The following B4GALT6 variants were observed in gnomAD, a reference collection of about 807,000 sequenced individuals.
The protein encoded by B4GALT6 is UDP-Gal:beta-GlcNAc beta-1,4-galactosyltransferase 6.
Under a neutral mutation model 46.3 loss-of-function variants are expected in B4GALT6, and 14 were observed. The observed-to-expected ratio is 0.30, with a 90% CI of 0.20 to 0.47. The LOEUF is 0.47. Ranked by LOEUF, B4GALT6 falls within the 20% of genes least tolerant of loss-of-function variation. The probability of loss-of-function intolerance (pLI) is 0.99; values close to 1 mark genes in which losing one functional copy is unlikely to be tolerated. For synonymous variants in B4GALT6, 168 were observed against 162.0 expected, an observed-to-expected ratio of 1.04 and a Z score of -0.28; for missense variants, 386 against 480.1, an observed-to-expected ratio of 0.80 and a Z score of 1.83.
intron 8 of B4GALT6, 84 bp from the exon 9 acceptor site, chr18:31,625,845 T>A: frequency 8.5e-7 from 1 of 1,180,150 alleles, no homozygotes; most frequent in South Asian, 1.8e-5. Context: ...AAGGTCATCT[T>A]ATAATTAAAG....
chr18:31,631,537 T>C (rs993477722), intron 5 of B4GALT6, among the ~76,000 whole-genome samples: 5 of 152,260 alleles, frequency 3.3e-5, no homozygotes, highest in Admixed American at 6.5e-5. Context: ...ATCTAGTCCA[T>C]TGGTACATCA....
rs2073685799 is a variant in B4GALT6, at chr18:31,625,699, T to C, written c.1064A>G (p.Tyr355Cys). 6.2e-7 allele frequency: 1 copy of C among 1,613,728 alleles called. No individual in the cohort carries two copies. Among genetic ancestry groups the C allele is most frequent in the Non-Finnish European group, 8.5e-7 (1 of 1,179,798 alleles). Residue 355 changes from tyrosine to cysteine, a missense_variant, in exon 9 of 9, where the codon TAT (tyrosine) becomes TGT (cysteine). By Grantham distance (194) the Tyr-to-Cys change is radical. Transcript: ENST00000306851. Reference protein sequence around the residue: ...QYIDGLNNLIYRPKILVDRLY... With the variant: ...QYIDGLNNLICRPKILVDRLY... ...CCTATCAACCAGTATTTTTGGCCTATATATTAAATTGTTCAGTCCATCGAT... is the reference window on the plus strand; with the variant it reads ...CCTATCAACCAGTATTTTTGGCCTACATATTAAATTGTTCAGTCCATCGAT...
At chr18:31,668,653 G>A (rs913946712) in intron 1 of B4GALT6, among the ~76,000 whole-genome samples, 1 of 152,006 alleles carries the variant, frequency 6.6e-6, no homozygotes, top group Non-Finnish European at 1.5e-5. Flanking sequence ...ATATAGTGTG[G>A]CAGATATTAA....
At chr18:31,721,860 T>TTCTCTCTC in the B4GALT6 span, among the ~76,000 whole-genome samples, 6 of 151,276 alleles carry the variant, frequency 4.0e-5, no homozygotes, top group African/African-American at 1.5e-4. Context: ...TTCTCTTTCT[T>TTCTCTCTC]TCTCTCTCTC....
At chr18:31,708,650 C>T in the B4GALT6 span, among the ~76,000 whole-genome samples, 3 of 151,998 alleles carry the variant, frequency 2.0e-5, no homozygotes, top group Non-Finnish European at 4.4e-5. Context: ...AAGTAGAAAG[C>T]TGGAAGGGGA....
At chr18:31,699,487 T>C in the B4GALT6 span, among the ~76,000 whole-genome samples, 1 of 151,518 alleles carries the variant, frequency 6.6e-6, no homozygotes, top group African/African-American at 2.4e-5. Flanking sequence ...TTGGCTAGGC[T>C]GGTCTCAAAC....
upstream of B4GALT6, among the ~76,000 whole-genome samples, chr18:31,689,730 CAAGAAAAA>C (rs964506150): frequency 2.2e-4 from 33 of 151,922 alleles, no homozygotes; most frequent in East Asian, 1.4e-3. Context: ...AGCGACAGAG[CAAGAAAAA>C]AAGAAAAAAA....
intron 5 of B4GALT6, among the ~76,000 whole-genome samples, chr18:31,634,263 CACAGGA>C: frequency 6.6e-6 from 1 of 152,324 alleles, no homozygotes; most frequent in Admixed American, 6.5e-5. Context: ...ACACTTTTTC[CACAGGA>C]TAAACTGGAA....
the B4GALT6 span, among the ~76,000 whole-genome samples, chr18:31,700,433 A>G: frequency 0.038 from 2,556 of 68,140 alleles, 60 homozygotes; most frequent in African/African-American, 0.079. Flanking sequence ...AAAATTGACT[A>G]TTTGTGTGTG....
Position 31,623,971 on chromosome 18 carries a change from T to TTA in B4GALT6, c.*1642_*1643insTA, listed in dbSNP as rs2144452812. 6.6e-6 allele frequency: 1 copy of TTA among 152,174 alleles called. No homozygotes were observed. Among genetic ancestry groups the TTA allele is most frequent in the East Asian group, 1.9e-4 (1 of 5,192 alleles). The allele number at this position is 152,174 out of a possible 1,614,324, so 9.4% of individuals were successfully genotyped here. The stretch of plus-strand genomic sequence containing the variant: ...CTCATCATTGTTGTTGAACATTCAC[T>TTA]TTATAGATATTTAATTTTTTGTTTA... On this transcript the variant is annotated 3_prime_UTR_variant, in exon 9 of 9. Transcript: ENST00000306851.
chr18:31,677,133 T>C (rs2074423369), intron 1 of B4GALT6, among the ~76,000 whole-genome samples: 1 of 151,798 alleles, frequency 6.6e-6, no homozygotes, highest in East Asian at 1.9e-4. Context: ...TAATTAAACA[T>C]AAAAACAAAG....
intron 3 of B4GALT6, among the ~76,000 whole-genome samples, chr18:31,651,352 A>C (rs1186813771): frequency 6.6e-6 from 1 of 152,132 alleles, no homozygotes; most frequent in Non-Finnish European, 1.5e-5. Flanking sequence ...GTAAGGTTTC[A>C]GCAAAAACAA....
intron 3 of B4GALT6, among the ~76,000 whole-genome samples, chr18:31,656,124 G>A (rs2074135529): frequency 6.6e-6 from 1 of 152,152 alleles, no homozygotes; most frequent in African/African-American, 2.4e-5. Flanking sequence ...CCCCAAGACT[G>A]AAAGCCATGG....
intron 4 of B4GALT6, among the ~76,000 whole-genome samples, chr18:31,645,117 G>C (rs1034798313): frequency 2.6e-5 from 4 of 152,174 alleles, no homozygotes; most frequent in African/African-American, 9.7e-5. Context: ...TTATTACCAG[G>C]AACTCAAAGA....
chr18:31,718,883 G>T, the B4GALT6 span: 3 of 152,172 alleles, frequency 2.0e-5, no homozygotes, highest in Non-Finnish European at 4.4e-5. Context: ...ATAGATAAAA[G>T]TTTTTTGGGG....
chr18:31,709,434 C>CATATATATATATAT, the B4GALT6 span, among the ~76,000 whole-genome samples: 721 of 130,852 alleles, frequency 5.5e-3, 14 homozygotes, highest in African/African-American at 0.021. Context: ...GCAATTCATA[C>CATATATATATATAT]ATATATATAT....
At chr18:31,680,746 A>C (rs1221717141) in intron 1 of B4GALT6, among the ~76,000 whole-genome samples, 2 of 152,218 alleles carry the variant, frequency 1.3e-5, no homozygotes, top group East Asian at 3.8e-4. Flanking sequence ...TGTATGAACA[A>C]AGACCAGTCT....
At position 31,684,325 on chromosome 18, in the gene B4GALT6, C is replaced by T. The variant is rs1230047070; in HGVS notation, c.102G>A (p.Val34=). 6.2e-7 allele frequency: 1 copy of T among 1,612,972 alleles called. No homozygotes were observed. Among genetic ancestry groups the T allele is most frequent in the East Asian group, 2.2e-5 (1 of 44,794 alleles). ...LSSSCLYFIY[V]APGIANTYLF... is the part of the protein sequence containing the mutation. ...CTCGGTGCTTACCGATGCCTGGGGCCACATAGATGAAGTACAGACAGGACG... is the reference window on the plus strand; with the variant it reads ...CTCGGTGCTTACCGATGCCTGGGGCTACATAGATGAAGTACAGACAGGACG... Residue 34 remains valine, a synonymous_variant, in exon 1 of 9, where the codon GTG becomes GTA. Coordinates refer to ENST00000306851, the MANE Select transcript of B4GALT6 (RefSeq NM_004775.5).
intron 3 of B4GALT6, among the ~76,000 whole-genome samples, chr18:31,646,186 C>T (rs1229042110): frequency 5.3e-5 from 8 of 152,172 alleles, no homozygotes; most frequent in Admixed American, 5.2e-4. Flanking sequence ...TATATCAGGC[C>T]CCTTGGCATA....
Sources: gnomAD v4.1 joint callset for allele counts (sites outside exome capture counted in the v4.1 genomes callset) on GRCh38, gnomAD v4.1.1 for gene constraint, MANE v1.5 for transcripts, NCBI Gene and HGNC (gene_info 2026-07-23, HGNC 2026-07-21) for gene names.